LRRTM4: variants seen among roughly 807,000 people sequenced by gnomAD.
LRRTM4 encodes the protein leucine rich repeat transmembrane neuronal 4, also known as leucine-rich repeat transmembrane neuronal protein 4.
Under a neutral mutation model 47.6 loss-of-function variants are expected in LRRTM4, and 25 were observed. That is an observed-to-expected ratio of 0.53 (90% CI 0.38 to 0.73). LRRTM4 has a LOEUF of 0.73. LRRTM4 is among the 30% of genes least tolerant of loss of function. LRRTM4 has a pLI of 0.00. For missense variants in LRRTM4, 638 were observed against 713.4 expected (o/e 0.89, Z 1.20); for synonymous variants, 311 against 269.5 (o/e 1.15, Z -1.51).
At chr2:76,873,441 CTG>C (rs951891456) in intron 3 of LRRTM4, among the ~76,000 whole-genome samples, 4 of 138,320 alleles carry the variant, frequency 2.9e-5, no homozygotes, top group African/African-American at 1.1e-4. Context: ...ATTATATAGT[CTG>C]TGTGTATATA....
intron 3 of LRRTM4, among the ~76,000 whole-genome samples, chr2:76,856,284 G>C (rs1201311971): frequency 1.3e-5 from 2 of 151,554 alleles, no homozygotes; most frequent in Admixed American, 6.6e-5. Flanking sequence ...CTCAGAAAAA[G>C]AGAGAGAGAG....
intron 3 of LRRTM4, among the ~76,000 whole-genome samples, chr2:77,080,554 C>T (rs1038199228): frequency 3.9e-5 from 6 of 152,150 alleles, no homozygotes; most frequent in African/African-American, 1.4e-4. Flanking sequence ...AATTCTACCC[C>T]AAATTGACCT....
chr2:76,948,644 T>C (rs549717683), intron 3 of LRRTM4, among the ~76,000 whole-genome samples: 7 of 151,830 alleles, frequency 4.6e-5, no homozygotes, highest in Non-Finnish European at 8.8e-5. Context: ...TAGAAATGCC[T>C]ATGGAATAAT....
In LRRTM4 at chr2:76,761,418, C is replaced by A. The variant is rs572183724; in HGVS notation, c.1552-12502G>T. Among the ~76,000 whole-genome samples the A allele has an allele frequency of 5.9e-5, 9 of 152,218 alleles. No individual in the cohort carries two copies. The East Asian group carries it at 1.7e-3, about 29-fold the overall frequency. On this transcript the variant is annotated intron_variant, in intron 3 of 3. Transcript: ENST00000409884. The stretch of plus-strand genomic sequence containing the variant: ...CCATCAATTTGGTTATGTATATATT[C>A]TATTCTTTTGTCTAAAGTTAGGTGC...
intron 3 of LRRTM4, among the ~76,000 whole-genome samples, chr2:77,216,997 T>C (rs1292083465): frequency 5.4e-5 from 8 of 147,266 alleles, no homozygotes; most frequent in East Asian, 2.0e-4. Context: ...GGCGTGAACC[T>C]GGGAGGCAGA....
chr2:76,915,798 A>G (rs964004015), intron 3 of LRRTM4, among the ~76,000 whole-genome samples: 3 of 152,172 alleles, frequency 2.0e-5, no homozygotes, highest in Admixed American at 2.0e-4. Flanking sequence ...TAGTTATAAG[A>G]AAGTGAAGAA....
chr2:77,119,753 A>C (rs1335480090), intron 3 of LRRTM4, among the ~76,000 whole-genome samples: 1 of 151,862 alleles, frequency 6.6e-6, no homozygotes, highest in Non-Finnish European at 1.5e-5. Context: ...AATTACATAC[A>C]TATCATATTA....
rs372134997 is a variant in LRRTM4, at chr2:77,440,205, G to A, written c.1551+78113C>T. On this transcript the variant is annotated intron_variant, in intron 3 of 3. Coordinates refer to ENST00000409884, the MANE Select transcript of LRRTM4 (RefSeq NM_001134745.3). The stretch of plus-strand genomic sequence containing the variant: ...CGAGGCGGGCAGATCACGAGGTCAC[G>A]AAATCGAGACCATCCTGGCTAACAC... Among the ~76,000 whole-genome samples, 3 of 152,138 alleles carry A rather than the reference G, an allele frequency of 2.0e-5. No homozygotes were observed. The South Asian group carries it at 6.2e-4, about 31-fold the overall frequency.
At chr2:77,170,717 A>G (rs1038598482) in intron 3 of LRRTM4, among the ~76,000 whole-genome samples, 2 of 152,126 alleles carry the variant, frequency 1.3e-5, no homozygotes, top group African/African-American at 4.8e-5. Context: ...CAAGCAGGTA[A>G]TGTGAATCAG....
At chr2:76,878,247 A>G (rs1422413304) in intron 3 of LRRTM4, among the ~76,000 whole-genome samples, 1 of 152,044 alleles carries the variant, frequency 6.6e-6, no homozygotes, top group Non-Finnish European at 1.5e-5. Flanking sequence ...TGTTATATGT[A>G]TATGTTCTGA....
chr2:77,060,995 C>T (rs1391792722), intron 3 of LRRTM4, among the ~76,000 whole-genome samples: 1 of 151,980 alleles, frequency 6.6e-6, no homozygotes. Flanking sequence ...AAAAACACAA[C>T]AGTTTACTAG....
chr2:77,060,793 T>C (rs1281080043), intron 3 of LRRTM4, among the ~76,000 whole-genome samples: 1 of 152,004 alleles, frequency 6.6e-6, no homozygotes, highest in Admixed American at 6.6e-5. Flanking sequence ...ATGAGGAAAA[T>C]ATGGTTTTTC....
chr2:77,165,270 T>C (rs1355171228), intron 3 of LRRTM4, among the ~76,000 whole-genome samples: 1 of 152,080 alleles, frequency 6.6e-6, no homozygotes, highest in Non-Finnish European at 1.5e-5. Context: ...CAGGATGAAG[T>C]TGAATCCCCG....
At chr2:76,942,065 G>A (rs1675163446) in intron 3 of LRRTM4, among the ~76,000 whole-genome samples, 1 of 152,168 alleles carries the variant, frequency 6.6e-6, no homozygotes, top group African/African-American at 2.4e-5. Context: ...AATGACCAGT[G>A]ATGATGAGCT....
At chr2:77,381,021 C>T (rs1270251074) in intron 3 of LRRTM4, among the ~76,000 whole-genome samples, 1 of 151,966 alleles carries the variant, frequency 6.6e-6, no homozygotes, top group Non-Finnish European at 1.5e-5. Flanking sequence ...CTGGTTGTTA[C>T]TATTATGAGT....
chr2:76,866,245 C>A (rs1159630799), intron 3 of LRRTM4, among the ~76,000 whole-genome samples: 1 of 152,192 alleles, frequency 6.6e-6, no homozygotes, highest in Non-Finnish European at 1.5e-5. Flanking sequence ...AAATTTAAAC[C>A]TATCTATATG....
chr2:77,322,957 A>G (rs772309114), intron 3 of LRRTM4, among the ~76,000 whole-genome samples: 2 of 151,896 alleles, frequency 1.3e-5, no homozygotes, highest in Non-Finnish European at 2.9e-5. Context: ...ACACTACAAT[A>G]GTAATAATTT....
intron 3 of LRRTM4, among the ~76,000 whole-genome samples, chr2:76,996,755 TCTG>T (rs1367010063): frequency 6.6e-6 from 1 of 151,336 alleles, no homozygotes; most frequent in Non-Finnish European, 1.5e-5. Flanking sequence ...TTCCTCACAA[TCTG>T]CTGAGAAAAA....
Position 77,095,972 on chromosome 2 carries a change from TTAA to T in LRRTM4, c.1552-347059_1552-347057del, listed in dbSNP as rs147404356. Among the ~76,000 whole-genome samples, 320 of 152,150 alleles carry T rather than the reference TTAA, an allele frequency of 2.1e-3. 4 individuals are homozygous for T. The highest frequency in any genetic ancestry group is 6.6e-3 in the African/African-American group (272 of 41,518). ...CTTTTTGACTGCATGGTGACCAGAG[TTAA>T]TAATAATGTATTCTATACTTCAAAA... On this transcript the variant is annotated intron_variant, in intron 3 of 3. Transcript: ENST00000409884.
Sources: allele counts gnomAD v4.1 joint callset (sites outside exome capture counted in the v4.1 genomes callset), GRCh38; gene constraint gnomAD v4.1.1; transcripts MANE v1.5; gene names NCBI Gene and HGNC (gene_info 2026-07-23, HGNC 2026-07-21).